Variants in CNTNAP4 observed in about 807,000 individuals in gnomAD.
The protein encoded by CNTNAP4 is contactin-associated protein-like 4.
Under a neutral mutation model 148.4 loss-of-function variants are expected in CNTNAP4, and 98 were observed. The ratio of observed to expected loss-of-function variants is 0.66; its 90% CI spans 0.56 to 0.78. The LOEUF (loss-of-function observed/expected upper bound fraction) is 0.78. Among genes scored for constraint, CNTNAP4 ranks in the 30% least tolerant of loss-of-function variants. The pLI, the probability that CNTNAP4 is intolerant of heterozygous loss-of-function variation, is 0.00. For missense variants in CNTNAP4, 1,935 were observed against 1,565.6 expected (o/e 1.24, Z -3.98); for synonymous variants, 730 against 565.1 (o/e 1.29, Z -4.14).
At chr16:76,528,362 C>T (rs1478982267) in intron 17 of CNTNAP4, among the ~76,000 whole-genome samples, 1 of 152,118 alleles carries the variant, frequency 6.6e-6, no homozygotes, top group East Asian at 1.9e-4. Flanking sequence ...GCCTCCCAGG[C>T]TCAGGTGATC....
rs553176781 is a variant in CNTNAP4 at position 76,510,038 on chromosome 16, C to A, written c.2366-11102C>A. Among the ~76,000 whole-genome samples, 12 of 46,790 alleles carry A rather than the reference C, an allele frequency of 2.6e-4. 3 individuals carry two copies. Among genetic ancestry groups the A allele is most frequent in the African/African-American group, 4.1e-4 (12 of 29,116 alleles). The allele number at this position is 46,790 out of a possible 152,430, so 30.7% of individuals were successfully genotyped here. A position where few individuals can be genotyped will look rare whatever the true frequency, so the allele number is the denominator to read the frequency against. The stretch of plus-strand genomic sequence containing the variant: ...TTCAATCAATTTTAGTATATTTAAT[C>A]ATTTTAATGTACTATACAGATTTGA... On this transcript the variant is annotated intron_variant, in intron 15 of 23. Coordinates refer to ENST00000611870, the MANE Select transcript of CNTNAP4 (RefSeq NM_033401.5).
rs779961535 is a variant in CNTNAP4 at position 76,553,796 on chromosome 16, G to A, written c.3662-40G>A. 6.2e-6 allele frequency: 8 copies of A among 1,299,312 alleles called. No individual in the cohort carries two copies. In the East Asian group the frequency reaches 1.8e-4, roughly 30 times the overall value. 80.5% of individuals were successfully genotyped at this position (1,299,312 alleles called of 1,614,324 possible). A position where few individuals can be genotyped will look rare whatever the true frequency, so the allele number is the denominator to read the frequency against. On this transcript the variant is annotated intron_variant, in intron 22 of 23. Coordinates refer to ENST00000611870, the MANE Select transcript of CNTNAP4 (RefSeq NM_033401.5). ...GTTTTCAAAATTTCTTCTTTTACTT[G>A]CCTATATCACCTTCCCCCTTTGTTG...
At chr16:76,390,307 CTT>C (rs1002441802) in intron 3 of CNTNAP4, among the ~76,000 whole-genome samples, 8 of 152,308 alleles carry the variant, frequency 5.3e-5, no homozygotes, top group African/African-American at 1.9e-4. Context: ...CTAATTGTAA[CTT>C]ATCTATTGTA....
intron 23 of CNTNAP4, 106 bp downstream of exon 23, chr16:76,554,013 C>T: frequency 1.5e-6 from 1 of 675,594 alleles, no homozygotes. Context: ...ACTCCAAGTG[C>T]CAGGCACTGA....
rs1161986856 is a variant in CNTNAP4, at chr16:76,360,921, A to C, written c.390+5410A>C. On this transcript the variant is annotated intron_variant, in intron 3 of 23. Coordinates refer to ENST00000611870, the MANE Select transcript of CNTNAP4 (RefSeq NM_033401.5). ...AAGCTCCACCTCCTGGGTTCACACC[A>C]TTCTCCTGCCTCAGCCTCCCTAGTA... Among the ~76,000 whole-genome samples, 6 of 144,994 alleles carry C rather than the reference A, an allele frequency of 4.1e-5. No homozygotes were observed. The East Asian group carries it at 1.0e-3, about 25-fold the overall frequency.
intron 12 of CNTNAP4, among the ~76,000 whole-genome samples, chr16:76,480,952 T>G (rs2081804357): frequency 6.6e-6 from 1 of 152,156 alleles, no homozygotes; most frequent in South Asian, 2.1e-4. Context: ...CAGTGAGTCT[T>G]GAAGAACAAA....
intron 3 of CNTNAP4, among the ~76,000 whole-genome samples, chr16:76,379,698 C>T (rs928668206): frequency 3.9e-5 from 6 of 152,160 alleles, no homozygotes; most frequent in Admixed American, 1.3e-4. Flanking sequence ...GAGTGACTTT[C>T]TATATTCTGC....
rs1568304032 is a variant in CNTNAP4 at position 76,470,480 on chromosome 16, A to ATTT, written c.1655+2958_1655+2959insTTT. ...ACATAGCAAAACCACGTCTCTACTA[A>ATTT]TAATATATATATATATAAAATTAGT... On this transcript the variant is annotated intron_variant, in intron 10 of 23. Transcript: ENST00000611870. 2.0e-3 allele frequency among the ~76,000 whole-genome samples: 191 copies of ATTT among 96,972 alleles called. 1 individual carries two copies. The highest frequency in any genetic ancestry group is 0.011 in the African/African-American group (185 of 17,100). 63.6% of individuals were successfully genotyped at this position (96,972 alleles called of 152,430 possible).
chr16:76,494,887 C>A, intron 13 of CNTNAP4, 23 bp from the exon 14 acceptor site: 1 of 1,608,856 alleles, frequency 6.2e-7, no homozygotes, highest in Non-Finnish European at 8.5e-7. Context: ...ACAGATGTCA[C>A]ATTTTTCACG....
At chr16:76,428,380 A>G (rs1483431420) in intron 4 of CNTNAP4, among the ~76,000 whole-genome samples, 3 of 151,790 alleles carry the variant, frequency 2.0e-5, no homozygotes, top group African/African-American at 7.3e-5. Context: ...ATATGAAATA[A>G]TCTGGAAGAG....
intron 3 of CNTNAP4, among the ~76,000 whole-genome samples, chr16:76,380,525 C>A (rs1325843054): frequency 2.0e-5 from 3 of 151,908 alleles, no homozygotes; most frequent in African/African-American, 7.3e-5. Flanking sequence ...GCATTTTTCC[C>A]CATTTTAAAA....
At chr16:76,351,748 C>G (rs1448667984) in intron 2 of CNTNAP4, among the ~76,000 whole-genome samples, 3 of 152,198 alleles carry the variant, frequency 2.0e-5, no homozygotes, top group Non-Finnish European at 4.4e-5. Flanking sequence ...GCTGGTGCAG[C>G]TGTAACTGTG....
Position 76,553,414 on chromosome 16 carries a change from A to G in CNTNAP4, c.3574A>G (p.Thr1192Ala). Residue 1192 changes from threonine (T) to alanine (A), a missense_variant, in exon 22 of 24, where the codon ACT becomes GCT. By Grantham distance (58) the Thr-to-Ala change is moderately conservative. Transcript: ENST00000611870. ...GCACCCCAGCCACCCAGACCCTGTC[A>G]CTGTTACAGGACACGTGACTGAGTC... ...ALHPSHPDPV[T>A]VTGHVTESSC... 1 of 1,612,668 alleles carries G rather than the reference A, an allele frequency of 6.2e-7. No individual in the cohort carries two copies. The highest frequency in any genetic ancestry group is 8.5e-7 in the Non-Finnish European group (1 of 1,179,316).
chr16:76,312,704 T>C (rs1961264676), intron 1 of CNTNAP4, among the ~76,000 whole-genome samples: 1 of 152,178 alleles, frequency 6.6e-6, no homozygotes, highest in Admixed American at 6.6e-5. Flanking sequence ...GTCATGGTAT[T>C]CTTACATAGT....
At chr16:76,500,420 C>G (rs559096610) in intron 15 of CNTNAP4, among the ~76,000 whole-genome samples, 1 of 152,234 alleles carries the variant, frequency 6.6e-6, no homozygotes, top group African/African-American at 2.4e-5. Flanking sequence ...TTGATTAGTT[C>G]ATGAGTACAT....
chr16:76,378,190 A>C (rs2015621178), intron 3 of CNTNAP4, among the ~76,000 whole-genome samples: 1 of 152,222 alleles, frequency 6.6e-6, no homozygotes, highest in Non-Finnish European at 1.5e-5. Context: ...AATGTACACT[A>C]TTCAGGTGAT....
intron 9 of CNTNAP4, among the ~76,000 whole-genome samples, chr16:76,467,000 A>G (rs568666587): frequency 3.3e-5 from 5 of 152,178 alleles, no homozygotes; most frequent in Middle Eastern, 3.4e-3. Flanking sequence ...TAATTTTGCA[A>G]TTCAAAATAC....
Position 76,538,232 on chromosome 16 carries a change from A to C in CNTNAP4, c.3112A>C (p.Ser1038Arg). Residue 1038 changes from serine to arginine, a missense_variant, in exon 19 of 24, where the codon AGC becomes CGC. Transcript: ENST00000611870. ...TTCATTTCATGGTGATATGAAGCTG[A>C]GCAGAGAAATGATCAAATTTAGTTT... The part of the protein sequence containing the change: ...AASFHGDMKL[S>R]REMIKFSFRT... 6.2e-7 allele frequency: 1 copy of C among 1,611,684 alleles called. No individual in the cohort carries two copies. The highest frequency in any genetic ancestry group is 8.5e-7 in the Non-Finnish European group (1 of 1,179,088).
At chr16:76,419,289 C>T (rs1229554278) in intron 3 of CNTNAP4, among the ~76,000 whole-genome samples, 1 of 151,888 alleles carries the variant, frequency 6.6e-6, no homozygotes, top group African/African-American at 2.4e-5. Flanking sequence ...AAGTACTGCC[C>T]CCCAGTTGGG....
Sources: gnomAD v4.1 joint callset for allele counts (sites outside exome capture counted in the v4.1 genomes callset) on GRCh38, gnomAD v4.1.1 for gene constraint, MANE v1.5 for transcripts, NCBI Gene and HGNC (gene_info 2026-07-23, HGNC 2026-07-21) for gene names.